The following MAPKAP1 variants were observed in gnomAD, a reference collection of about 807,000 sequenced individuals.
MAPKAP1 encodes the protein MAPK associated protein 1, also known as target of rapamycin complex 2 subunit MAPKAP1.
In MAPKAP1, 20 loss-of-function variants were observed where a neutral mutation model predicts 65.7. The observed-to-expected ratio is 0.30, with a 90% CI of 0.21 to 0.44. The LOEUF (loss-of-function observed/expected upper bound fraction) is 0.44. Among genes scored for constraint, MAPKAP1 ranks in the 20% least tolerant of loss-of-function variants. The probability of loss-of-function intolerance (pLI) is 1.00; values close to 1 mark genes in which losing one functional copy is unlikely to be tolerated. For synonymous variants in MAPKAP1, 222 were observed against 244.3 expected, an observed-to-expected ratio of 0.91 and a Z score of 0.85; for missense variants, 423 against 648.0, an observed-to-expected ratio of 0.65 and a Z score of 3.77.
chr9:125,700,537 G>C lies in MAPKAP1; in HGVS notation c.-70+6434C>G, dbSNP rs1289844863. Among the ~76,000 whole-genome samples the C allele has an allele frequency of 3.3e-5, 5 of 152,112 alleles. No individual in the cohort carries two copies. In the East Asian group the frequency reaches 9.7e-4, roughly 29 times the overall value. ...TTCTAATACCTTCTTGTTCTTTCTA[G>C]AGTTTCGGGTTTGTTTTTTAAGTGG... On this transcript the variant is annotated intron_variant, in intron 1 of 11. Transcript: ENST00000265960.
chr9:125,444,692 G>A (rs1409217090), intron 10 of MAPKAP1, 94 bp from the exon 11 acceptor site: 6 of 814,052 alleles, frequency 7.4e-6, no homozygotes, highest in African/African-American at 1.7e-5. Context: ...ATTCGAGCGA[G>A]AGCAAGTGGA....
intron 3 of MAPKAP1, among the ~76,000 whole-genome samples, chr9:125,660,728 G>A (rs62567169): frequency 0.021 from 3,244 of 152,142 alleles, 48 homozygotes; most frequent in Middle Eastern, 0.044. Context: ...CCCATCAACC[G>A]ACACTTCAAA....
chr9:125,681,646 T>C (rs1019093231), intron 1 of MAPKAP1, among the ~76,000 whole-genome samples: 1 of 152,222 alleles, frequency 6.6e-6, no homozygotes, highest in Non-Finnish European at 1.5e-5. Flanking sequence ...CTGAAGGGCA[T>C]GGGACAGTGA....
Position 125,657,672 on chromosome 9 carries a change from C to T in MAPKAP1, c.477G>A (p.Glu159=), listed in dbSNP as rs112337965. 415 of 1,606,082 alleles carry T rather than the reference C, an allele frequency of 2.6e-4. 2 individuals carry two copies. The African/African-American group carries it at 5.0e-3, about 19-fold the overall frequency. ...TTACCTTGCCATCAAATTTGGAATA[C>T]TCGTTAAAAGGGTTATTCAGCTGCA... The part of the protein sequence containing the change: ...CPLQLNNPFN[E]YSKFDGKGHV... Residue 159 remains glutamate (E), a synonymous_variant, in exon 4 of 12, where the codon GAG becomes GAA. Transcript: ENST00000265960.
At chr9:125,581,380 T>C (rs1026053329) in intron 5 of MAPKAP1, among the ~76,000 whole-genome samples, 1 of 152,268 alleles carries the variant, frequency 6.6e-6, no homozygotes, top group African/African-American at 2.4e-5. Flanking sequence ...ATCACTATTT[T>C]TTATTTCAGC....
At chr9:125,568,917 T>A (rs1324883291) in intron 5 of MAPKAP1, 6 of 176,108 alleles carry the variant, frequency 3.4e-5, no homozygotes, top group African/African-American at 4.9e-5. Context: ...ATGAATGGTT[T>A]AAAAAAAAAA....
intron 5 of MAPKAP1, among the ~76,000 whole-genome samples, chr9:125,581,424 C>G (rs1016636579): frequency 6.6e-6 from 1 of 152,300 alleles, no homozygotes; most frequent in Non-Finnish European, 1.5e-5. Flanking sequence ...ATTGCATTTT[C>G]CTAATGGCTA....
chr9:125,572,295 C>A (rs1831258724), intron 5 of MAPKAP1, among the ~76,000 whole-genome samples: 1 of 152,188 alleles, frequency 6.6e-6, no homozygotes, highest in African/African-American at 2.4e-5. Flanking sequence ...GGGTACAAAA[C>A]CATGGCTGAG....
intron 4 of MAPKAP1, among the ~76,000 whole-genome samples, chr9:125,653,182 T>C (rs1833940432): frequency 6.6e-6 from 1 of 152,210 alleles, no homozygotes; most frequent in Non-Finnish European, 1.5e-5. Context: ...GAAACATTTT[T>C]TCCTTCTACC....
intron 9 of MAPKAP1, among the ~76,000 whole-genome samples, chr9:125,483,482 T>C (rs1589227364): frequency 6.6e-6 from 1 of 152,164 alleles, no homozygotes; most frequent in Non-Finnish European, 1.5e-5. Flanking sequence ...TACAAAGCAT[T>C]TGTGAGAAAC....
intron 4 of MAPKAP1, among the ~76,000 whole-genome samples, chr9:125,605,588 G>T (rs111985211): frequency 0.011 from 1,709 of 152,266 alleles, 41 homozygotes; most frequent in African/African-American, 0.038. Flanking sequence ...GAGTGGTACC[G>T]CACGGCCGCA....
chr9:125,495,119 C>T (rs1854892947), intron 8 of MAPKAP1, among the ~76,000 whole-genome samples: 1 of 152,112 alleles, frequency 6.6e-6, no homozygotes, highest in Non-Finnish European at 1.5e-5. Context: ...TGTTCAAAGC[C>T]CAGGAAAAGT....
intron 4 of MAPKAP1, among the ~76,000 whole-genome samples, chr9:125,641,088 TCTGTGTATATTAGATG>T (rs1309695303): frequency 1.3e-5 from 2 of 152,212 alleles, no homozygotes; most frequent in African/African-American, 4.8e-5. Flanking sequence ...ACATCATATT[TCTGTGTATATTAGATG>T]CTGTGTAGAT....
At chr9:125,649,653 T>A (rs1833834369) in intron 4 of MAPKAP1, among the ~76,000 whole-genome samples, 1 of 151,810 alleles carries the variant, frequency 6.6e-6, no homozygotes, top group Non-Finnish European at 1.5e-5. Flanking sequence ...AAGCACTGCC[T>A]CAGATTCCCC....
At chr9:125,441,981 T>C (rs998848715) in intron 11 of MAPKAP1, among the ~76,000 whole-genome samples, 2 of 151,748 alleles carry the variant, frequency 1.3e-5, no homozygotes, top group African/African-American at 4.8e-5. Context: ...AGAAAAAAAT[T>C]AGCTGGGCTT....
chr9:125,554,210 T>C (rs1010875793), intron 6 of MAPKAP1, among the ~76,000 whole-genome samples: 1 of 152,122 alleles, frequency 6.6e-6, no homozygotes, highest in African/African-American at 2.4e-5. Context: ...CAGAATTCAG[T>C]GGGCACAAAG....
chr9:125,620,782 G>A (rs1201854723), intron 4 of MAPKAP1, among the ~76,000 whole-genome samples: 1 of 152,146 alleles, frequency 6.6e-6, no homozygotes, highest in Non-Finnish European at 1.5e-5. Context: ...GCTACATGTT[G>A]TGTAAAAGGG....
intron 10 of MAPKAP1, among the ~76,000 whole-genome samples, chr9:125,464,228 AAAAAAG>A (rs1853602011): frequency 6.7e-6 from 1 of 150,324 alleles, no homozygotes; most frequent in Non-Finnish European, 1.5e-5. Flanking sequence ...AAAAAAAAAA[AAAAAAG>A]ACCTGTATCT....
At chr9:125,627,768 G>A (rs571757734) in intron 4 of MAPKAP1, among the ~76,000 whole-genome samples, 6 of 152,134 alleles carry the variant, frequency 3.9e-5, no homozygotes, top group South Asian at 2.1e-4. Flanking sequence ...CCTACTTTAC[G>A]GTAGATCTTG....
Sources: allele counts gnomAD v4.1 joint callset (sites outside exome capture counted in the v4.1 genomes callset), GRCh38; gene constraint gnomAD v4.1.1; transcripts MANE v1.5; gene names NCBI Gene and HGNC (gene_info 2026-07-23, HGNC 2026-07-21).